NPAS3: variants seen among roughly 807,000 people sequenced by gnomAD.
NPAS3 encodes the protein neuronal PAS domain protein 3, also known as neuronal PAS domain-containing protein 3.
Under a neutral mutation model 73.1 loss-of-function variants are expected in NPAS3, and 14 were observed. The observed-to-expected ratio is 0.19, with a 90% CI of 0.13 to 0.30. The LOEUF is 0.30. Ranked by LOEUF, NPAS3 falls within the 10% of genes least tolerant of loss-of-function variation. The pLI, the probability that NPAS3 is intolerant of heterozygous loss-of-function variation, is 1.00. For synonymous variants in NPAS3, 620 were observed against 541.5 expected, an observed-to-expected ratio of 1.14 and a Z score of -2.01; for missense variants, 1,096 against 1,250.0, an observed-to-expected ratio of 0.88 and a Z score of 1.86.
chr14:33,758,663 C>A (rs2062190242), intron 7 of NPAS3, among the ~76,000 whole-genome samples: 1 of 152,192 alleles, frequency 6.6e-6, no homozygotes, highest in African/African-American at 2.4e-5. Context: ...CATATTTATA[C>A]AAAGGAACTG....
At chr14:33,444,139 G>A (rs1009250845) in intron 4 of NPAS3, among the ~76,000 whole-genome samples, 3 of 152,180 alleles carry the variant, frequency 2.0e-5, no homozygotes, top group African/African-American at 7.2e-5. Flanking sequence ...ATGGAATTAT[G>A]TCTGTCTGTT....
intron 1 of NPAS3, among the ~76,000 whole-genome samples, chr14:33,040,287 A>G (rs2040309624): frequency 6.6e-6 from 1 of 152,188 alleles, no homozygotes; most frequent in Admixed American, 6.5e-5. Flanking sequence ...ATTTTTAAGT[A>G]TACTAAGAAA....
chr14:33,317,238 G>C lies in NPAS3; in HGVS notation c.386-49948G>C, dbSNP rs80170639. 7.6e-3 allele frequency among the ~76,000 whole-genome samples: 1,159 copies of C among 152,190 alleles called. 68 individuals carry two copies. In the East Asian group the frequency reaches 0.14, roughly 18 times the overall value. On this transcript the variant is annotated intron_variant, in intron 3 of 11. Coordinates refer to ENST00000356141, the Ensembl canonical transcript of NPAS3. ...TAACATTAGCTTTTCCATGGCAGAA[G>C]TATTTCATCACAGCACATGTTCAGA...
chr14:32,980,900 T>C (rs1312575230), intron 1 of NPAS3, among the ~76,000 whole-genome samples: 3 of 151,700 alleles, frequency 2.0e-5, no homozygotes, highest in African/African-American at 7.3e-5. Flanking sequence ...TAGAAAAGAG[T>C]ATTTCAGTTT....
At chr14:33,391,144 A>G (rs550014988) in intron 4 of NPAS3, among the ~76,000 whole-genome samples, 157 of 152,166 alleles carry the variant, frequency 1.0e-3, no homozygotes, top group Non-Finnish European at 1.6e-3. Context: ...TTAAGAGACA[A>G]TAATAGACAT....
At chr14:33,278,456 A>C (rs1478998640) in intron 3 of NPAS3, among the ~76,000 whole-genome samples, 1 of 151,824 alleles carries the variant, frequency 6.6e-6, no homozygotes. Context: ...AGATCCAGCC[A>C]ATGACTTGAT....
chr14:33,778,608 G>T, intron 9 of NPAS3, 36 bp downstream of exon 9: 1 of 1,389,206 alleles, frequency 7.2e-7, no homozygotes, highest in Non-Finnish European at 1.0e-6. Context: ...AACCCCGGCT[G>T]GTGTCAGCAA....
At chr14:33,676,174 A>C in intron 5 of NPAS3, 37 bp from the exon 6 acceptor site, 1 of 1,606,616 alleles carries the variant, frequency 6.2e-7, no homozygotes, top group Non-Finnish European at 8.5e-7. Context: ...AAGCCTATAT[A>C]ATGTCTTTCC....
intron 1 of NPAS3, among the ~76,000 whole-genome samples, chr14:33,010,549 T>C (rs1393362391): frequency 6.6e-6 from 1 of 152,226 alleles, no homozygotes; most frequent in Non-Finnish European, 1.5e-5. Flanking sequence ...TACCATAGGC[T>C]AATTGATATA....
In NPAS3 at chr14:33,465,432, A is replaced by G. The variant is rs150841369; in HGVS notation, c.469-94689A>G. On this transcript the variant is annotated intron_variant, in intron 4 of 11. Transcript: ENST00000356141. ...ACAGTAAGATCAGTCACATGCATAC[A>G]GGTAACAAAAAAACAAGATTATAGA... 3.3e-4 allele frequency among the ~76,000 whole-genome samples: 50 copies of G among 152,338 alleles called. 1 individual carries two copies. The highest frequency in any genetic ancestry group is 1.1e-3 in the African/African-American group (47 of 41,582).
intron 3 of NPAS3, among the ~76,000 whole-genome samples, chr14:33,333,838 T>G (rs1025934979): frequency 1.3e-5 from 2 of 152,184 alleles, no homozygotes; most frequent in African/African-American, 4.8e-5. Context: ...TCCATTTTAT[T>G]GAAGCAATTT....
intron 2 of NPAS3, among the ~76,000 whole-genome samples, chr14:33,137,379 A>T (rs1595527148): frequency 6.6e-6 from 1 of 152,210 alleles, no homozygotes; most frequent in East Asian, 1.9e-4. Flanking sequence ...TTTACATGGC[A>T]TCTTATTACT....
intron 4 of NPAS3, among the ~76,000 whole-genome samples, chr14:33,440,162 T>G (rs923430101): frequency 2.0e-5 from 3 of 151,276 alleles, no homozygotes; most frequent in African/African-American, 7.3e-5. Flanking sequence ...GAGTGGCTGA[T>G]TGTTGAAGCC....
chr14:33,711,043 T>C (rs186704541), intron 6 of NPAS3, among the ~76,000 whole-genome samples: 46 of 152,324 alleles, frequency 3.0e-4, no homozygotes, highest in African/African-American at 9.1e-4. Flanking sequence ...GGTTTCCAAC[T>C]CTCTCACCTT....
chr14:33,638,901 T>C (rs1567077069), intron 5 of NPAS3, among the ~76,000 whole-genome samples: 1 of 152,192 alleles, frequency 6.6e-6, no homozygotes, highest in Non-Finnish European at 1.5e-5. Context: ...TGACTTCTAG[T>C]ATTATTTTTC....
At chr14:33,769,766 T>TC (rs2062590323) in intron 7 of NPAS3, among the ~76,000 whole-genome samples, 1 of 115,728 alleles carries the variant, frequency 8.6e-6, no homozygotes, top group South Asian at 3.3e-4. Flanking sequence ...CTTTTTTTTT[T>TC]TTTTTTTTTT....
intron 4 of NPAS3, among the ~76,000 whole-genome samples, chr14:33,395,541 CGTATACATACATACATATATGCGT>C (rs1566864046): frequency 1.3e-5 from 2 of 151,220 alleles, no homozygotes; most frequent in Non-Finnish European, 2.9e-5. Flanking sequence ...CATATGTGCA[CGTATACATACATACATATATGCGT>C]GTATACATAC....
At chr14:33,131,254 A>G (rs908682036) in intron 2 of NPAS3, among the ~76,000 whole-genome samples, 3 of 152,146 alleles carry the variant, frequency 2.0e-5, no homozygotes, top group Admixed American at 1.3e-4. Context: ...TCTACTTGTA[A>G]TTAGACCACT....
intron 4 of NPAS3, among the ~76,000 whole-genome samples, chr14:33,404,709 T>A (rs2047589812): frequency 6.6e-6 from 1 of 152,050 alleles, no homozygotes; most frequent in Non-Finnish European, 1.5e-5. Context: ...CATTTAACAG[T>A]GCCTGAAAAG....
Sources: allele counts gnomAD v4.1 joint callset (sites outside exome capture counted in the v4.1 genomes callset), GRCh38; gene constraint gnomAD v4.1.1; transcripts MANE v1.5; gene names NCBI Gene and HGNC (gene_info 2026-07-23, HGNC 2026-07-21).